The following SMC5 variants were observed in gnomAD, a reference collection of about 807,000 sequenced individuals.
The protein encoded by SMC5 is structural maintenance of chromosomes protein 5.
In SMC5, 88 loss-of-function variants were observed where a neutral mutation model predicts 148.3. The ratio of observed to expected loss-of-function variants is 0.59; its 90% CI spans 0.50 to 0.71. SMC5 has a LOEUF of 0.71. Among genes scored for constraint, SMC5 ranks in the 30% least tolerant of loss-of-function variants. SMC5 has a pLI of 0.00. For synonymous variants in SMC5, 421 were observed against 432.8 expected, an observed-to-expected ratio of 0.97 and a Z score of 0.34; for missense variants, 1,142 against 1,298.9, an observed-to-expected ratio of 0.88 and a Z score of 1.86.
chr9:70,286,136 AT>A, intron 7 of SMC5, 63 bp from the exon 8 acceptor site: 5 of 965,928 alleles, frequency 5.2e-6, no homozygotes, highest in Non-Finnish European at 8.4e-6. Context: ...GGGCAGGGCC[AT>A]ATAATTTGCT....
chr9:70,339,043 C>T (rs915133053), intron 17 of SMC5, among the ~76,000 whole-genome samples: 4 of 151,976 alleles, frequency 2.6e-5, no homozygotes, highest in African/African-American at 9.7e-5. Flanking sequence ...AATGCTTTAC[C>T]AGCCCTTTTG....
At chr9:70,341,117 C>T (rs2036511672) in intron 17 of SMC5, among the ~76,000 whole-genome samples, 1 of 152,104 alleles carries the variant, frequency 6.6e-6, no homozygotes, top group Admixed American at 6.5e-5. Flanking sequence ...CTTCCCACTT[C>T]TACCCTTAAA....
chr9:70,305,317 T>C lies in SMC5; in HGVS notation c.1535T>C (p.Phe512Ser). The C allele has an allele frequency of 6.2e-7, 1 of 1,603,932 alleles. No homozygotes were observed. Among genetic ancestry groups the C allele is most frequent in the Non-Finnish European group, 8.5e-7 (1 of 1,173,472 alleles). Residue 512 changes from phenylalanine (F) to serine (S), a missense_variant, in exon 11 of 25, where the codon TTT becomes TCT. Physicochemically the swap from Phe to Ser is radical, Grantham distance 155. Around this residue, in one of 5 missense-constraint regions of SMC5, gnomAD observed 743 missense variants for 835.7 expected, o/e 0.89. Coordinates refer to ENST00000361138, the MANE Select transcript of SMC5 (RefSeq NM_015110.4). ...ATTCCATCAAATGACTTAAGAGCCT[T>C]TGTATTTGAAAGTCAAGAAGATATG... ...NHIPSNDLRA[F>S]VFESQEDMEV...
Position 70,300,213 on chromosome 9 carries a change from G to C in SMC5, c.1464+13G>C. On this transcript the variant is annotated intron_variant, in intron 10 of 24. Coordinates refer to ENST00000361138, the MANE Select transcript of SMC5 (RefSeq NM_015110.4). ...CATAATGCTCACGGTAAGAAACTTT[G>C]TTCATCTTGGTAGTATTGGTTTTAT... The C allele has an allele frequency of 6.4e-7, 1 of 1,572,088 alleles. No individual in the cohort carries two copies. The highest frequency in any genetic ancestry group is 8.6e-7 in the Non-Finnish European group (1 of 1,167,992).
At chr9:70,302,272 T>A (rs1451576998) in intron 10 of SMC5, among the ~76,000 whole-genome samples, 1 of 151,738 alleles carries the variant, frequency 6.6e-6, no homozygotes, top group East Asian at 1.9e-4. Context: ...ACTGAGGGGG[T>A]GGAACGAGGT....
At chr9:70,278,452 A>C (rs2034656151) in intron 4 of SMC5, 39 bp from the exon 5 acceptor site, 1 of 1,588,540 alleles carries the variant, frequency 6.3e-7, no homozygotes, top group African/African-American at 1.4e-5. Flanking sequence ...ATATATGTAA[A>C]TGAATGATAG....
chr9:70,283,994 T>G (rs780764399), intron 7 of SMC5, among the ~76,000 whole-genome samples: 5 of 152,156 alleles, frequency 3.3e-5, no homozygotes, highest in Non-Finnish European at 7.4e-5. Context: ...GATTGTACTT[T>G]TCTCTTTTTA....
Position 70,280,998 on chromosome 9 carries a change from T to G in SMC5, c.819+99T>G, listed in dbSNP as rs543866699. On this transcript the variant is annotated intron_variant, in intron 6 of 24. Transcript: ENST00000361138. ...ACTGTGTATTCAAGTTAGGTGCTTC[T>G]TTTTCATTTTTGGCTTTATATGTTA... 4.8e-5 allele frequency: 66 copies of G among 1,364,222 alleles called. 2 individuals carry two copies. The African/African-American group carries it at 8.8e-4, about 18-fold the overall frequency. 84.5% of individuals were successfully genotyped at this position (1,364,222 alleles called of 1,614,324 possible). A position where few individuals can be genotyped will look rare whatever the true frequency, so the allele number is the denominator to read the frequency against.
At position 70,300,066 on chromosome 9, in the gene SMC5, C is replaced by T. The variant is rs147695278; in HGVS notation, c.1330C>T (p.Arg444Cys). The T allele has an allele frequency of 6.4e-5, 102 of 1,582,928 alleles. No individual in the cohort carries two copies. The East Asian group carries it at 9.6e-4, about 15-fold the overall frequency. The change falls in exon 10 of 25, where the codon CGT becomes TGT. Residue 444 changes from arginine to cysteine, a missense_variant. Arg to Cys is a radical substitution (Grantham distance 180, BLOSUM62 -3). Transcript: ENST00000361138. ...TTTAGGTGTGGACGATCATATTGTA[C>T]GTTTTGACAATCTTATGAATCAGAA... Reference protein sequence around the residue: ...EKKSVDDHIVRFDNLMNQKED... With the variant: ...EKKSVDDHIVCFDNLMNQKED...
rs561908942 is a variant in SMC5, at chr9:70,317,165, T to A, written c.1807-1349T>A. Among the ~76,000 whole-genome samples the A allele has an allele frequency of 2.0e-5, 3 of 152,268 alleles. No individual in the cohort carries two copies. The South Asian group carries it at 6.2e-4, about 32-fold the overall frequency. ...ATTGAGGAAATTTACTACCTTTATA[T>A]CCTCAATCCTTCTGTTTGAGACAAT... On this transcript the variant is annotated intron_variant, in intron 13 of 24. Coordinates refer to ENST00000361138, the MANE Select transcript of SMC5 (RefSeq NM_015110.4).
At chr9:70,265,010 T>C (rs989971588) in intron 2 of SMC5, among the ~76,000 whole-genome samples, 1 of 152,124 alleles carries the variant, frequency 6.6e-6, no homozygotes, top group African/African-American at 2.4e-5. Flanking sequence ...ATAGAAAAGG[T>C]ACAGTAAAAA....
chr9:70,269,572 C>G (rs1443053634), intron 3 of SMC5, among the ~76,000 whole-genome samples: 1 of 152,040 alleles, frequency 6.6e-6, no homozygotes, highest in Non-Finnish European at 1.5e-5. Flanking sequence ...CAGAGTGAGA[C>G]TCTGTCTGCA....
rs551665441 is a variant in SMC5 at position 70,318,917 on chromosome 9, A to G, written c.2104A>G (p.Thr702Ala). Residue 702 changes from threonine to alanine, a missense_variant, in exon 15 of 25, where the codon ACC (threonine) becomes GCC (alanine). Physicochemically the swap from Thr to Ala is moderately conservative, Grantham distance 58 (BLOSUM62 0). Around this residue, in one of 5 missense-constraint regions of SMC5, gnomAD observed 743 missense variants for 835.7 expected, o/e 0.89. Transcript: ENST00000361138. ...QKKKELLERK[T>A]KKRQLEQKIS... Reference sequence around the variant, plus strand: ...GAAGAAGGAGCTTCTTGAGAGAAAAACCAAGAAAAGACAACTGGAACAAAA... The same window carrying G: ...GAAGAAGGAGCTTCTTGAGAGAAAAGCCAAGAAAAGACAACTGGAACAAAA... 6.2e-7 allele frequency: 1 copy of G among 1,611,364 alleles called. No homozygotes were observed. Among genetic ancestry groups the G allele is most frequent in the Non-Finnish European group, 8.5e-7 (1 of 1,179,038 alleles).
chr9:70,344,708 A>G (rs985947948), intron 18 of SMC5: 10 of 152,238 alleles, frequency 6.6e-5, no homozygotes, highest in East Asian at 1.9e-4. Flanking sequence ...TATTTCCATT[A>G]TATTTTTTAT....
At chr9:70,335,345 G>A (rs185954345) in intron 17 of SMC5, among the ~76,000 whole-genome samples, 2 of 152,118 alleles carry the variant, frequency 1.3e-5, no homozygotes, top group Admixed American at 6.5e-5. Flanking sequence ...AAATTTGCCA[G>A]GCATGATGGT....
chr9:70,335,885 T>A (rs2036342720), intron 17 of SMC5, among the ~76,000 whole-genome samples: 1 of 152,236 alleles, frequency 6.6e-6, no homozygotes, highest in South Asian at 2.1e-4. Context: ...CTTGTCTTTT[T>A]ACTAGTATTT....
intron 11 of SMC5, among the ~76,000 whole-genome samples, chr9:70,308,499 G>A (rs1004045491): frequency 1.7e-4 from 25 of 149,814 alleles, no homozygotes; most frequent in African/African-American, 5.2e-4. Context: ...AGAGGCTGAG[G>A]CAGGAGAATG....
chr9:70,313,999 C>T (rs143535898), intron 11 of SMC5, among the ~76,000 whole-genome samples: 3 of 152,288 alleles, frequency 2.0e-5, no homozygotes, highest in African/African-American at 7.2e-5. Flanking sequence ...TTTTAGCCTT[C>T]CACTTGTTGC....
Position 70,291,949 on chromosome 9 carries a change from A to G in SMC5, c.1053+5678A>G, listed in dbSNP as rs1245918089. On this transcript the variant is annotated intron_variant, in intron 8 of 24. Coordinates refer to ENST00000361138, the MANE Select transcript of SMC5 (RefSeq NM_015110.4). ...TATGATTGTGGGCTGTTGCTTTTCA[A>G]GGATACCACATGAATGGAACAATGG... Among the ~76,000 whole-genome samples, 41 of 152,272 alleles carry G rather than the reference A, an allele frequency of 2.7e-4. 1 individual carries two copies. The highest frequency in any genetic ancestry group is 1.5e-5 in the Non-Finnish European group (1 of 68,014).
Sources: allele counts gnomAD v4.1 joint callset (sites outside exome capture counted in the v4.1 genomes callset), GRCh38; gene constraint gnomAD v4.1.1; regional missense constraint gnomAD v4.1.1; transcripts MANE v1.5; gene names NCBI Gene and HGNC (gene_info 2026-07-23, HGNC 2026-07-21).